CHL1: variants seen among roughly 807,000 people sequenced by gnomAD.
CHL1 encodes cell adhesion molecule L1 like.
A neutral mutation model predicts 141.9 loss-of-function variants in CHL1; 96 were observed. The observed-to-expected ratio is 0.68, with a 90% CI of 0.57 to 0.80. The LOEUF (loss-of-function observed/expected upper bound fraction) is 0.80, where lower values mean the gene tolerates loss of function less well. Among genes scored for constraint, CHL1 ranks in the 30% least tolerant of loss-of-function variants. The pLI is 0.00. For synonymous variants in CHL1, 613 were observed against 502.2 expected (o/e 1.22, Z -2.95); for missense variants, 1,820 against 1,457.2 (o/e 1.25, Z -4.05).
chr3:396,257 G>T (rs1469011710), intron 24 of CHL1, among the ~76,000 whole-genome samples: 1 of 152,154 alleles, frequency 6.6e-6, no homozygotes, highest in African/African-American at 2.4e-5. Flanking sequence ...AGGTTCTTAT[G>T]TCTGAAGCAT....
At chr3:333,007 G>A (rs1319796015) in intron 5 of CHL1, among the ~76,000 whole-genome samples, 3 of 151,740 alleles carry the variant, frequency 2.0e-5, no homozygotes, top group African/African-American at 7.3e-5. Flanking sequence ...TCATTATCTA[G>A]GCAGACCAAG....
chr3:365,715 A>T (rs1421446882), intron 14 of CHL1, among the ~76,000 whole-genome samples: 1 of 152,220 alleles, frequency 6.6e-6, no homozygotes, highest in Non-Finnish European at 1.5e-5. Context: ...CCAAGAAATA[A>T]TGAGGGAAAT....
chr3:225,141 A>G (rs567567815), intron 1 of CHL1, among the ~76,000 whole-genome samples: 8 of 152,262 alleles, frequency 5.3e-5, no homozygotes, highest in East Asian at 1.9e-4. Flanking sequence ...CTCAAAAAGA[A>G]CTCAAAAAGA....
intron 5 of CHL1, among the ~76,000 whole-genome samples, chr3:331,712 A>T (rs1701453100): frequency 6.6e-6 from 1 of 152,210 alleles, no homozygotes; most frequent in Non-Finnish European, 1.5e-5. Flanking sequence ...ATAACTAAAA[A>T]TGGTATGTAT....
chr3:366,660 G>A (rs1450954000), intron 15 of CHL1, among the ~76,000 whole-genome samples: 2 of 144,242 alleles, frequency 1.4e-5, no homozygotes, highest in African/African-American at 2.6e-5. Flanking sequence ...AACCGAGGAA[G>A]AATTGCATGG....
At chr3:403,387 A>G (rs1398380058) in intron 27 of CHL1, among the ~76,000 whole-genome samples, 1 of 152,312 alleles carries the variant, frequency 6.6e-6, no homozygotes, top group African/African-American at 2.4e-5. Flanking sequence ...AGAGGATTAT[A>G]CAAGATACAA....
At chr3:210,880 A>C (rs944280418) in intron 1 of CHL1, among the ~76,000 whole-genome samples, 1 of 152,210 alleles carries the variant, frequency 6.6e-6, no homozygotes, top group Non-Finnish European at 1.5e-5. Flanking sequence ...GAACTTTGGC[A>C]AGGCTGAAGT....
chr3:248,032 C>T (rs1386312468), intron 2 of CHL1: 1 of 151,936 alleles, frequency 6.6e-6, no homozygotes, highest in East Asian at 1.9e-4. Context: ...TGTTATGTTC[C>T]TTTCTTGTTG....
At chr3:341,016 C>A (rs1702306693) in intron 6 of CHL1, 100 bp downstream of exon 6, 8 of 1,286,294 alleles carry the variant, frequency 6.2e-6, no homozygotes, top group Non-Finnish European at 8.7e-6. Context: ...AAATAAAGAT[C>A]TCTTAATTTT....
At chr3:319,956 C>T (rs182076232) in intron 3 of CHL1, 89 bp downstream of exon 3, 1 of 700,464 alleles carries the variant, frequency 1.4e-6, no homozygotes, top group East Asian at 2.8e-5. Context: ...GAGGATGTGA[C>T]TTTTCTACCA....
intron 1 of CHL1, among the ~76,000 whole-genome samples, chr3:229,244 TG>T (rs1332352342): frequency 3.3e-5 from 5 of 152,322 alleles, no homozygotes; most frequent in African/African-American, 1.2e-4. Flanking sequence ...TCCTTCATAA[TG>T]TTTTTTTCCT....
chr3:360,877 T>A (rs1377167871), intron 12 of CHL1, among the ~76,000 whole-genome samples: 1 of 150,844 alleles, frequency 6.6e-6, no homozygotes, highest in African/African-American at 2.4e-5. Context: ...TTACTGAGAA[T>A]GATGATTTCC....
intron 2 of CHL1, among the ~76,000 whole-genome samples, chr3:271,991 T>C (rs1282338127): frequency 6.6e-6 from 1 of 152,236 alleles, no homozygotes; most frequent in African/African-American, 2.4e-5. Context: ...GTGCTGACTG[T>C]AAAATCATAT....
intron 2 of CHL1, among the ~76,000 whole-genome samples, chr3:267,056 A>G (rs1695219497): frequency 6.6e-6 from 1 of 152,200 alleles, no homozygotes; most frequent in African/African-American, 2.4e-5. Context: ...CTATATTGAT[A>G]AATCTTGCAT....
chr3:305,005 G>A (rs1044610948), intron 2 of CHL1, among the ~76,000 whole-genome samples: 4 of 151,828 alleles, frequency 2.6e-5, no homozygotes, highest in African/African-American at 4.8e-5. Context: ...ATCTGGTCAC[G>A]GATAAACTTT....
intron 18 of CHL1, 76 bp from the exon 19 acceptor site, chr3:383,740 G>T: frequency 5.7e-6 from 5 of 879,668 alleles, no homozygotes; most frequent in Non-Finnish European, 9.2e-6. Context: ...TGTGTTTTTG[G>T]GGGGCAGGAG....
At chr3:322,671 A>T (rs921757406) in intron 3 of CHL1, among the ~76,000 whole-genome samples, 28 of 124,826 alleles carry the variant, frequency 2.2e-4, no homozygotes, top group East Asian at 4.5e-4. Flanking sequence ...TATATATATA[A>T]TTATATATAT....
intron 11 of CHL1, among the ~76,000 whole-genome samples, chr3:357,417 T>C (rs1703817342): frequency 6.6e-6 from 1 of 152,228 alleles, no homozygotes; most frequent in South Asian, 2.1e-4. Flanking sequence ...TTGCATATGA[T>C]ATTTCTGAAC....
At chr3:277,087 G>T (rs529587213) in intron 2 of CHL1, among the ~76,000 whole-genome samples, 1 of 152,040 alleles carries the variant, frequency 6.6e-6, no homozygotes, top group Admixed American at 6.5e-5. Context: ...ATGAATTACT[G>T]ATAAAATACT....
Sources: allele counts gnomAD v4.1 joint callset (sites outside exome capture counted in the v4.1 genomes callset), GRCh38; gene constraint gnomAD v4.1.1; transcripts MANE v1.5; gene names NCBI Gene and HGNC (gene_info 2026-07-23, HGNC 2026-07-21).